Variants in SLC25A48 observed in about 807,000 individuals in gnomAD.
SLC25A48 encodes the protein solute carrier family 25 member 48, also known as CTC-321K16.1.
In SLC25A48, 29 loss-of-function variants were observed where a neutral mutation model predicts 32.2. The observed-to-expected ratio is 0.90, with a 90% CI of 0.67 to 1.23. The LOEUF is 1.23. Among genes scored for constraint, SLC25A48 ranks in the 50% most tolerant of loss-of-function variants. SLC25A48 has a pLI of 0.00. For missense variants in SLC25A48, 399 were observed against 422.7 expected (o/e 0.94, Z 0.49); for synonymous variants, 164 against 172.3 (o/e 0.95, Z 0.38).
At chr5:135,649,785 A>C (rs987649551) in intron 3 of SLC25A48, 5 of 153,610 alleles carry the variant, frequency 3.3e-5, no homozygotes, top group African/African-American at 1.2e-4. Flanking sequence ...TGTCCTGGGT[A>C]GTAGGGGGTG....
chr5:135,796,364 G>A (rs902788354), intron 3 of SLC25A48, among the ~76,000 whole-genome samples: 5 of 151,468 alleles, frequency 3.3e-5, no homozygotes, highest in African/African-American at 1.2e-4. Context: ...ATCCAGTAGG[G>A]GAGAGTGTGA....
chr5:135,617,119 CT>C (rs1752208445), intron 1 of SLC25A48, among the ~76,000 whole-genome samples: 1 of 152,056 alleles, frequency 6.6e-6, no homozygotes, highest in African/African-American at 2.4e-5. Context: ...CATTTTATTA[CT>C]GATTGAATCT....
At chr5:135,652,136 G>C (rs560249890) in intron 3 of SLC25A48, among the ~76,000 whole-genome samples, 68 of 152,264 alleles carry the variant, frequency 4.5e-4, no homozygotes, top group Non-Finnish European at 7.8e-4. Context: ...AGCTTAACAG[G>C]GTGGACTTCC....
chr5:135,709,885 C>A (rs1754611950), intron 3 of SLC25A48, among the ~76,000 whole-genome samples: 1 of 152,156 alleles, frequency 6.6e-6, no homozygotes, highest in Non-Finnish European at 1.5e-5. Flanking sequence ...CACATCTGTT[C>A]CCTACTCCCA....
At chr5:135,616,011 C>T (rs575651916) in intron 1 of SLC25A48, among the ~76,000 whole-genome samples, 1 of 152,350 alleles carries the variant, frequency 6.6e-6, no homozygotes, top group East Asian at 1.9e-4. Flanking sequence ...GAGGCTTCAT[C>T]TTGGTGTTAA....
At chr5:135,884,905 A>T (rs764725658) in intron 7 of SLC25A48, among the ~76,000 whole-genome samples, 1 of 151,996 alleles carries the variant, frequency 6.6e-6, no homozygotes, top group African/African-American at 2.4e-5. Flanking sequence ...ATTAATCATC[A>T]TGGCACCTCT....
intron 3 of SLC25A48, among the ~76,000 whole-genome samples, chr5:135,777,124 A>G (rs1279006670): frequency 2.6e-5 from 4 of 151,272 alleles, no homozygotes; most frequent in African/African-American, 4.9e-5. Flanking sequence ...CGGGGAGAGG[A>G]CGATATTATT....
intron 3 of SLC25A48, among the ~76,000 whole-genome samples, chr5:135,651,185 G>A (rs911787566): frequency 6.6e-6 from 1 of 152,156 alleles, no homozygotes; most frequent in Admixed American, 6.5e-5. Flanking sequence ...TAGGTCCTGA[G>A]AGCATGTAGT....
At chr5:135,774,342 T>A (rs566269722) in intron 3 of SLC25A48, among the ~76,000 whole-genome samples, 2 of 151,682 alleles carry the variant, frequency 1.3e-5, no homozygotes, top group African/African-American at 4.8e-5. Flanking sequence ...TTACTCCCAA[T>A]ATGTCGGGTG....
chr5:135,743,903 G>A (rs116690671), intron 3 of SLC25A48, among the ~76,000 whole-genome samples: 1 of 152,318 alleles, frequency 6.6e-6, no homozygotes, highest in African/African-American at 2.4e-5. Context: ...TGTAACCTCA[G>A]TCTAACTCCT....
At chr5:135,602,808 CTG>C (rs1057200809) in intron 1 of SLC25A48, among the ~76,000 whole-genome samples, 1 of 152,138 alleles carries the variant, frequency 6.6e-6, no homozygotes, top group African/African-American at 2.4e-5. Flanking sequence ...GTTCCTCTTC[CTG>C]TGTCCAAGCG....
intron 1 of SLC25A48, among the ~76,000 whole-genome samples, chr5:135,587,836 A>G (rs570785246): frequency 7.2e-5 from 11 of 152,358 alleles, no homozygotes; most frequent in African/African-American, 2.6e-4. Context: ...ACATAATGGA[A>G]TCATATCAAA....
rs190679798 is a variant in SLC25A48 at position 135,667,086 on chromosome 5, A to G, written c.-521+32130A>G. Among the ~76,000 whole-genome samples the G allele has an allele frequency of 2.2e-3, 339 of 152,198 alleles. 1 individual carries two copies. The highest frequency in any genetic ancestry group is 3.1e-3 in the Admixed American group (48 of 15,298). On this transcript the variant is annotated intron_variant, in intron 3 of 10. Coordinates refer to the SLC25A48 transcript ENST00000646290. The stretch of plus-strand genomic sequence containing the variant: ...CTTTTTCCATATCTCAGCTTTATTC[A>G]CTTTGCCCTGAGCTCTAGCCAATCT...
intron 3 of SLC25A48, among the ~76,000 whole-genome samples, chr5:135,797,945 C>T (rs1204820268): frequency 1.3e-5 from 2 of 151,992 alleles, no homozygotes; most frequent in East Asian, 1.9e-4. Flanking sequence ...ATGGGGTGTA[C>T]ACCCCCTCTA....
intron 3 of SLC25A48, among the ~76,000 whole-genome samples, chr5:135,786,277 A>G (rs1756847190): frequency 6.6e-6 from 1 of 152,102 alleles, no homozygotes; most frequent in Admixed American, 6.5e-5. Context: ...TTAACATGAT[A>G]CTATTCGTAA....
At chr5:135,802,990 C>T (rs945405893) in intron 3 of SLC25A48, 1 of 151,276 alleles carries the variant, frequency 6.6e-6, no homozygotes, top group African/African-American at 2.4e-5. Flanking sequence ...TAGGGTACAA[C>T]ATTGTGTACA....
intron 3 of SLC25A48, among the ~76,000 whole-genome samples, chr5:135,724,219 A>G (rs540469521): frequency 6.6e-6 from 1 of 152,178 alleles, no homozygotes; most frequent in Non-Finnish European, 1.5e-5. Flanking sequence ...TCTAAATATT[A>G]TTTTTGCATC....
At chr5:135,875,905 T>TCTCA (rs1220991262) in intron 6 of SLC25A48, 1 of 152,206 alleles carries the variant, frequency 6.6e-6, no homozygotes, top group Non-Finnish European at 1.5e-5. Context: ...GAGCAGGATA[T>TCTCA]CATAGCATGT....
rs1761602281 is a variant in SLC25A48, at chr5:135,871,069, AC to A, written c.422-391del. The stretch of plus-strand genomic sequence containing the variant: ...AATAAATGTGTACACAGACACACAC[AC>A]ACACACACACACACACACACACACA... On this transcript the variant is annotated intron_variant, in intron 4 of 7. Transcript: ENST00000681962. 1.5e-4 allele frequency among the ~76,000 whole-genome samples: 6 copies of A among 40,368 alleles called. No homozygotes were observed. The South Asian group carries it at 3.5e-3, about 24-fold the overall frequency. The allele number at this position is 40,368 out of a possible 152,430, so 26.5% of individuals were successfully genotyped here.
Sources: allele counts gnomAD v4.1 joint callset (sites outside exome capture counted in the v4.1 genomes callset), GRCh38; gene constraint gnomAD v4.1.1; transcripts MANE v1.5; gene names NCBI Gene and HGNC (gene_info 2026-07-23, HGNC 2026-07-21).